Variants in HEXD observed in about 807,000 individuals in gnomAD.
HEXD encodes hexosaminidase D.
Under a neutral mutation model 54.2 loss-of-function variants are expected in HEXD, and 47 were observed. The ratio of observed to expected loss-of-function variants is 0.87; its 90% confidence interval spans 0.69 to 1.11. HEXD has a LOEUF of 1.11. Among genes scored for constraint, HEXD ranks in the 50% least tolerant of loss-of-function variants. The pLI is 0.00. For synonymous variants in HEXD, 293 were observed against 287.6 expected (o/e 1.02, Z -0.19); for missense variants, 576 against 649.2 (o/e 0.89, Z 1.23).
In HEXD at chr17:82,442,495, T is replaced by C. The variant is rs2054025483; in HGVS notation, c.*111T>C. 1 of 1,599,616 alleles carries C rather than the reference T, an allele frequency of 6.3e-7. No homozygotes were observed. The highest frequency in any genetic ancestry group is 8.6e-7 in the Non-Finnish European group (1 of 1,168,688). On this transcript the variant is annotated 3_prime_UTR_variant, in exon 13 of 13. Transcript: ENST00000327949. This position sits in a 1 kb window ranked among gnomAD's most constrained non-coding sequence, Gnocchi z 6.8. The stretch of plus-strand genomic sequence containing the variant: ...GGCGTCGTGCCCTCTGGCCCAGCAG[T>C]GTCTTGCCCACACTCAGTTCCTGAG...
chr17:82,442,544 G>T lies in HEXD; in HGVS notation c.*160G>T. ...AGGGCCCTGGGCAGCCCCTGGGGGA[G>T]AGACTAGAAAACACAGAAGGAAGCA... On this transcript the variant is annotated 3_prime_UTR_variant, in exon 13 of 13. Transcript: ENST00000327949. This position sits in a 1 kb window ranked among gnomAD's most constrained non-coding sequence, Gnocchi z 6.8. 6.3e-7 allele frequency: 1 copy of T among 1,587,198 alleles called. No individual in the cohort carries two copies.
intron 6 of HEXD, 60 bp from the exon 7 acceptor site, chr17:82,436,607 C>A: frequency 7.1e-7 from 1 of 1,418,388 alleles, no homozygotes; most frequent in South Asian, 1.2e-5. Flanking sequence ...ACAGGTGGGT[C>A]CGAGGGGCTG....
At position 82,418,519 on chromosome 17, in the gene HEXD, G is replaced by A. The variant is rs2053130280; in HGVS notation, c.-273G>A. ...GCCGCCGCGGAGCCGGGCCGGACGC[G>A]GGCGCCAGGCCCGGGGACGAACGCC... On this transcript the variant is annotated 5_prime_UTR_variant, in exon 1 of 13. Transcript: ENST00000327949. 3 of 1,273,628 alleles carry A rather than the reference G, an allele frequency of 2.4e-6. No individual in the cohort carries two copies. The highest frequency in any genetic ancestry group is 3.0e-6 in the Non-Finnish European group (3 of 995,920). The allele number at this position is 1,273,628 out of a possible 1,614,324, so 78.9% of individuals were successfully genotyped here.
Position 82,440,978 on chromosome 17 carries a change from C to T in HEXD, c.983-19C>T, listed in dbSNP as rs755706367. ...CCTCCAGAGGCCCCTCCAACCGCCC[C>T]GCTCATTTGTGATTTCAGGAGGATT... On this transcript the variant is annotated intron_variant, in intron 9 of 12. Transcript: ENST00000327949. 21 of 1,613,264 alleles carry T rather than the reference C, an allele frequency of 1.3e-5. No individual in the cohort carries two copies. Among genetic ancestry groups the T allele is most frequent in the Middle Eastern group, 1.6e-4 (1 of 6,062 alleles).
chr17:82,424,080 G>A (rs181743385), intron 2 of HEXD, among the ~76,000 whole-genome samples: 5 of 152,100 alleles, frequency 3.3e-5, no homozygotes, highest in East Asian at 3.9e-4. Flanking sequence ...CTGGGCCGCC[G>A]TGCATGAAGA....
At chr17:82,441,617 G>T (rs2053975339) in intron 11 of HEXD, among the ~76,000 whole-genome samples, 183 bp from the exon 12 acceptor site, 1 of 151,998 alleles carries the variant, frequency 6.6e-6, no homozygotes, top group Non-Finnish European at 1.5e-5. Flanking sequence ...GTGAGGGGCA[G>T]GTTCACAAGT....
intron 4 of HEXD, among the ~76,000 whole-genome samples, chr17:82,431,861 A>T (rs932734724): frequency 6.6e-6 from 1 of 152,190 alleles, no homozygotes; most frequent in African/African-American, 2.4e-5. Context: ...TTGAGAACTG[A>T]ACATTTCAGT....
At chr17:82,430,155 C>T (rs2053536086) in intron 4 of HEXD, among the ~76,000 whole-genome samples, 1 of 152,190 alleles carries the variant, frequency 6.6e-6, no homozygotes, top group South Asian at 2.1e-4. Flanking sequence ...TCTGCCCCTC[C>T]GTGCCCCTCT....
intron 6 of HEXD, among the ~76,000 whole-genome samples, chr17:82,436,277 T>C (rs2053760709): frequency 6.6e-6 from 1 of 152,256 alleles, no homozygotes; most frequent in Admixed American, 6.5e-5. Flanking sequence ...ACACCTGGCC[T>C]GGTTCCACAC....
intron 2 of HEXD, among the ~76,000 whole-genome samples, chr17:82,422,671 C>A (rs1226328853): frequency 1.3e-5 from 2 of 152,102 alleles, no homozygotes; most frequent in Non-Finnish European, 2.9e-5. Flanking sequence ...AAACAGATGA[C>A]AGAAAAGAAA....
At chr17:82,430,174 C>T (rs2053536633) in intron 4 of HEXD, among the ~76,000 whole-genome samples, 2 of 152,336 alleles carry the variant, frequency 1.3e-5, no homozygotes, top group East Asian at 1.9e-4. Context: ...CTCCCCACCA[C>T]AGCAAGTCAC....
Position 82,422,976 on chromosome 17 carries a change from G to A in HEXD, c.85-1418G>A, listed in dbSNP as rs550911780. Among the ~76,000 whole-genome samples, 149 of 151,866 alleles carry A rather than the reference G, an allele frequency of 9.8e-4. 2 individuals are homozygous for A. The highest frequency in any genetic ancestry group is 1.8e-4 in the Non-Finnish European group (12 of 68,002). On this transcript the variant is annotated intron_variant, in intron 2 of 12. Transcript: ENST00000327949. ...GGAGACTGAGGCAGGAGAATTGCTT[G>A]AACCCGGGAGGCGGAGGTTGTGGTG...
intron 4 of HEXD, among the ~76,000 whole-genome samples, chr17:82,429,182 C>T (rs1400487758): frequency 6.6e-6 from 1 of 152,056 alleles, no homozygotes; most frequent in Non-Finnish European, 1.5e-5. Flanking sequence ...ATCACTTGAA[C>T]GCAGGAGGCA....
At chr17:82,425,154 G>GGAA (rs2053371385) in intron 3 of HEXD, among the ~76,000 whole-genome samples, 1 of 149,144 alleles carries the variant, frequency 6.7e-6, no homozygotes, top group Admixed American at 6.7e-5. Flanking sequence ...GGCTGGAGGA[G>GGAA]GCTAGAGAAG....
In HEXD at chr17:82,418,581, G is replaced by A; in HGVS notation, c.-211G>A. On this transcript the variant is annotated 5_prime_UTR_variant, in exon 1 of 13. Coordinates refer to ENST00000327949, the MANE Select transcript of HEXD (RefSeq NM_001330542.2). ...CGCGAGGCAGGCACGGCGCAGGGAC[G>A]CGAGTGCGACGCGCTCGGCCATCGG... The A allele has an allele frequency of 1.7e-6, 1 of 576,372 alleles. No individual in the cohort carries two copies. The highest frequency in any genetic ancestry group is 2.5e-6 in the Non-Finnish European group (1 of 399,852). The allele number at this position is 576,372 out of a possible 1,614,324, so 35.7% of individuals were successfully genotyped here. A position where few individuals can be genotyped will look rare whatever the true frequency, so the allele number is the denominator to read the frequency against.
intron 1 of HEXD, among the ~76,000 whole-genome samples, chr17:82,419,051 C>G (rs1470032143): frequency 1.3e-5 from 2 of 152,348 alleles, no homozygotes; most frequent in East Asian, 3.9e-4. Flanking sequence ...GTCTCACATG[C>G]AAAGCTTTCC....
chr17:82,440,974 G>A (rs753130916), intron 9 of HEXD, 23 bp from the exon 10 acceptor site: 16 of 1,612,684 alleles, frequency 9.9e-6, no homozygotes, highest in East Asian at 2.2e-5. Context: ...CCCTCCAACC[G>A]CCCCGCTCAT....
chr17:82,434,726 T>C lies in HEXD; in HGVS notation c.447+904T>C, dbSNP rs1427896476. Among the ~76,000 whole-genome samples the C allele has an allele frequency of 6.6e-6, 1 of 151,822 alleles. No individual in the cohort carries two copies. The highest frequency in any genetic ancestry group is 2.4e-5 in the African/African-American group (1 of 41,272). ...GATGGCGGGCGCCTGTAATCCCAGC[T>C]ACTCAGGAGGCTGAGGCACGAGAAT... On this transcript the variant is annotated intron_variant, in intron 5 of 12. Transcript: ENST00000327949. The surrounding 1 kb of genome is among the most constrained non-coding windows in gnomAD (Gnocchi z 4.5).
chr17:82,432,967 G>A (rs1395776799), intron 4 of HEXD, among the ~76,000 whole-genome samples: 2 of 144,966 alleles, frequency 1.4e-5, no homozygotes, highest in African/African-American at 5.1e-5. Context: ...TCGGGAGGCT[G>A]AGGCAGGAGA....
Sources: allele counts gnomAD v4.1 joint callset (sites outside exome capture counted in the v4.1 genomes callset), GRCh38; gene constraint gnomAD v4.1.1; non-coding constraint Gnocchi (gnomAD v3.1); transcripts MANE v1.5; gene names NCBI Gene and HGNC (gene_info 2026-07-23, HGNC 2026-07-21).